S100PBP: variants seen among roughly 807,000 people sequenced by gnomAD.
S100PBP encodes the protein S100P binding protein.
S100PBP carries 15 observed loss-of-function variants against 39.9 expected under a neutral mutation model. That is an observed-to-expected ratio of 0.38 (90% CI 0.25 to 0.58). The LOEUF is 0.58. Among genes scored for constraint, S100PBP ranks in the 20% least tolerant of loss-of-function variants. S100PBP has a pLI of 0.70. For missense variants in S100PBP, 504 were observed against 487.3 expected (o/e 1.03, Z -0.32); for synonymous variants, 178 against 180.3 (o/e 0.99, Z 0.10).
chr1:32,851,102 G>T (rs1010025184), intron 5 of S100PBP, among the ~76,000 whole-genome samples: 4 of 152,022 alleles, frequency 2.6e-5, no homozygotes, highest in African/African-American at 9.7e-5. Flanking sequence ...ATTTGCCCAG[G>T]GTCACAGAGC....
At chr1:32,825,184 T>C (rs1639269932) in intron 1 of S100PBP, 129 bp from the exon 2 acceptor site, 2 of 152,276 alleles carry the variant, frequency 1.3e-5, no homozygotes, top group East Asian at 1.9e-4. Context: ...AATCCAACTT[T>C]CTGGTATTAC....
rs1640832662 is a variant in S100PBP at position 32,856,819 on chromosome 1, A to G, written c.*781A>G. 3 of 152,260 alleles carry G rather than the reference A, an allele frequency of 2.0e-5. No individual in the cohort carries two copies. Among genetic ancestry groups the G allele is most frequent in the Admixed American group, 2.0e-4 (3 of 15,270 alleles). 9.4% of individuals were successfully genotyped at this position (152,260 alleles called of 1,614,324 possible). A position where few individuals can be genotyped will look rare whatever the true frequency, so the allele number is the denominator to read the frequency against. On this transcript the variant is annotated 3_prime_UTR_variant, in exon 7 of 7. Coordinates refer to ENST00000373475, the MANE Select transcript of S100PBP (RefSeq NM_022753.4). ...TGGTTGTCTCCTTTGCCTTTCTTCAAGGATTTTCCTTTTTCTTTTTACCCC... is the reference window on the plus strand; with the variant it reads ...TGGTTGTCTCCTTTGCCTTTCTTCAGGGATTTTCCTTTTTCTTTTTACCCC...
intron 1 of S100PBP, among the ~76,000 whole-genome samples, chr1:32,823,937 G>A (rs1391058302): frequency 1.3e-5 from 2 of 152,200 alleles, no homozygotes; most frequent in African/African-American, 4.8e-5. Context: ...AGTGGCTCAC[G>A]CCTATAATCC....
chr1:32,838,333 C>CA (rs770251816), intron 5 of S100PBP, among the ~76,000 whole-genome samples: 17,580 of 67,140 alleles, frequency 0.26, 1,768 homozygotes, highest in South Asian at 0.34. Flanking sequence ...GACTCTGTCT[C>CA]AAAAAAAAAA....
intron 5 of S100PBP, among the ~76,000 whole-genome samples, chr1:32,844,902 C>T (rs1640292870): frequency 6.6e-6 from 1 of 151,856 alleles, no homozygotes; most frequent in African/African-American, 2.4e-5. Flanking sequence ...GATCTCGGCT[C>T]ACTGCAAGCT....
rs1349357139 is a variant in S100PBP at position 32,857,018 on chromosome 1, C to G, written c.*980C>G. The G allele has an allele frequency of 1.5e-4, 23 of 152,110 alleles. No homozygotes were observed. The highest frequency in any genetic ancestry group is 1.4e-3 in the Admixed American group (22 of 15,272). The allele number at this position is 152,110 out of a possible 1,614,324, so 9.4% of individuals were successfully genotyped here. A position where few individuals can be genotyped will look rare whatever the true frequency, so the allele number is the denominator to read the frequency against. ...TGTGGTGTCAGTTGATATTTAGTTT[C>G]ATTTGCTGAACCCCAAATTTGAGTG... On this transcript the variant is annotated 3_prime_UTR_variant, in exon 7 of 7. Coordinates refer to ENST00000373475, the MANE Select transcript of S100PBP (RefSeq NM_022753.4).
At chr1:32,831,079 CA>C (rs35054997) in intron 5 of S100PBP, among the ~76,000 whole-genome samples, 27 of 144,934 alleles carry the variant, frequency 1.9e-4, no homozygotes, top group East Asian at 2.0e-4. Flanking sequence ...GACTCTGTCT[CA>C]AAAAAAAAAA....
chr1:32,826,447 A>G lies in S100PBP; in HGVS notation c.348A>G (p.Leu116=), dbSNP rs1244066852. 1.4e-5 allele frequency: 22 copies of G among 1,613,956 alleles called. No homozygotes were observed. The highest frequency in any genetic ancestry group is 1.9e-5 in the Non-Finnish European group (22 of 1,180,006). The change falls in exon 3 of 7, where the codon CTA becomes CTG. Residue 116 remains leucine, a synonymous_variant. Coordinates refer to ENST00000373475, the MANE Select transcript of S100PBP (RefSeq NM_022753.4). ...CTGAGACTCCTGACCTCTTCAAACT[A>G]CCTCAGCTAAGTACATCAAGTGGTC... ...PVAETPDLFK[L]PQLSTSSGHG... is the part of the protein sequence containing the mutation.
chr1:32,848,223 C>G (rs184111478), intron 5 of S100PBP, among the ~76,000 whole-genome samples: 279 of 152,220 alleles, frequency 1.8e-3, no homozygotes, highest in African/African-American at 6.4e-3. Flanking sequence ...AGGAGAATTG[C>G]TTGAAACCGG....
chr1:32,829,785 C>T (rs928579276), intron 4 of S100PBP, among the ~76,000 whole-genome samples, 179 bp from the exon 5 acceptor site: 1 of 152,130 alleles, frequency 6.6e-6, no homozygotes, highest in Non-Finnish European at 1.5e-5. Flanking sequence ...TGATTCCATA[C>T]TCCATTTTAG....
Position 32,826,701 on chromosome 1 carries a change from G to T in S100PBP, c.602G>T (p.Ser201Ile). ...SKLCTESEGI[S>I]PNNSAWNGPQ... is the part of the protein sequence containing the mutation. ...CTTTGTACTGAATCTGAAGGGATCA[G>T]CCCCAATAACTCTGCCTGGAATGGG... The change falls in exon 3 of 7, where the codon AGC becomes ATC. Residue 201 changes from serine (S) to isoleucine (I), a missense_variant. By Grantham distance (142) the Ser-to-Ile change is moderately radical. Transcript: ENST00000373475. 1 of 1,614,142 alleles carries T rather than the reference G, an allele frequency of 6.2e-7. No homozygotes were observed. The highest frequency in any genetic ancestry group is 2.2e-5 in the East Asian group (1 of 44,880).
chr1:32,826,213 G>A lies in S100PBP; in HGVS notation c.114G>A (p.Leu38=). ...ATGAGGATGGATTGGATGACTCCTTGCTGGAGCTGTCAGAGGGAGAAGAAG... is the reference window on the plus strand; with the variant it reads ...ATGAGGATGGATTGGATGACTCCTTACTGGAGCTGTCAGAGGGAGAAGAAG... ...SLDEDGLDDS[L]LELSEGEEDD... is the part of the protein sequence containing the mutation. The change falls in exon 3 of 7, where the codon TTG becomes TTA. Residue 38 remains leucine (L), a synonymous_variant. Coordinates refer to ENST00000373475, the MANE Select transcript of S100PBP (RefSeq NM_022753.4). The A allele has an allele frequency of 6.2e-7, 1 of 1,614,142 alleles. No homozygotes were observed. Among genetic ancestry groups the A allele is most frequent in the Non-Finnish European group, 8.5e-7 (1 of 1,180,000 alleles).
chr1:32,826,902 C>G lies in S100PBP; in HGVS notation c.803C>G (p.Ser268Cys). 1 of 1,595,356 alleles carries G rather than the reference C, an allele frequency of 6.3e-7. No homozygotes were observed. Among genetic ancestry groups the G allele is most frequent in the Non-Finnish European group, 8.5e-7 (1 of 1,172,706 alleles). ...GSHKSSCEMRSLVVSTSSNKQ... is the reference protein window; with the variant it reads ...GSHKSSCEMRCLVVSTSSNKQ... ...CACAAGTCAAGTTGTGAAATGAGAT[C>G]TCTGGTTGTTTCCACCTCATCAAAC... Residue 268 changes from serine to cysteine, a missense_variant, in exon 3 of 7, where the codon TCT (serine) becomes TGT (cysteine). Coordinates refer to ENST00000373475, the MANE Select transcript of S100PBP (RefSeq NM_022753.4).
At chr1:32,817,737 G>C in intron 1 of S100PBP, 48 bp downstream of exon 1, 1 of 202,282 alleles carries the variant, frequency 4.9e-6, no homozygotes, top group Admixed American at 5.3e-5. Flanking sequence ...GGCTTGGAGG[G>C]GGATGGGGGC....
At chr1:32,832,896 A>G (rs1169034131) in intron 5 of S100PBP, among the ~76,000 whole-genome samples, 1 of 152,144 alleles carries the variant, frequency 6.6e-6, no homozygotes, top group African/African-American at 2.4e-5. Context: ...TAATGTATAT[A>G]TTATTGATGT....
intron 5 of S100PBP, chr1:32,837,040 C>T (rs1479617932): frequency 2.0e-5 from 3 of 149,582 alleles, no homozygotes; most frequent in Non-Finnish European, 3.0e-5. Context: ...AGTTCGAGAC[C>T]AGTCTGGCCA....
intron 5 of S100PBP, among the ~76,000 whole-genome samples, chr1:32,842,330 A>G (rs986863302): frequency 4.2e-4 from 63 of 148,888 alleles, no homozygotes; most frequent in Non-Finnish European, 8.0e-4. Flanking sequence ...TTTACCATTT[A>G]TTGAAAAGAC....
chr1:32,854,675 T>A (rs1640754177), intron 6 of S100PBP, among the ~76,000 whole-genome samples: 1 of 152,256 alleles, frequency 6.6e-6, no homozygotes, highest in African/African-American at 2.4e-5. Context: ...AAATCACATT[T>A]GCTCAATATT....
chr1:32,855,937 C>T lies in S100PBP; in HGVS notation c.1126C>T (p.Arg376Ter), dbSNP rs1192022218. Residue 376 changes from arginine to a stop codon, truncating the protein, a stop_gained, in exon 7 of 7, where the codon CGA (arginine) becomes TGA (stop). Coordinates refer to ENST00000373475, the MANE Select transcript of S100PBP (RefSeq NM_022753.4). LOFTEE classifies it high-confidence loss of function. ...CTCTCTCGATAGAAACTACGCCCGC[C>T]GACAGAAACATCTGCAAAGATACAG... ...SDLTTRNYARRQKHLQRYSLT... is the reference protein window; with the variant it reads ...SDLTTRNYAR The T allele has an allele frequency of 1.9e-6, 3 of 1,612,702 alleles. No homozygotes were observed. Among genetic ancestry groups the T allele is most frequent in the South Asian group, 2.2e-5 (2 of 91,006 alleles).
Sources: allele counts gnomAD v4.1 joint callset (sites outside exome capture counted in the v4.1 genomes callset), GRCh38; gene constraint gnomAD v4.1.1; transcripts MANE v1.5; gene names NCBI Gene and HGNC (gene_info 2026-07-23, HGNC 2026-07-21).